Variants in CCDC14 observed in about 807,000 individuals in gnomAD.
CCDC14 encodes coiled-coil domain-containing protein 14.
CCDC14 carries 71 observed loss-of-function variants against 81.4 expected under a neutral mutation model. The ratio of observed to expected loss-of-function variants is 0.87; its 90% CI spans 0.72 to 1.06. CCDC14 has a LOEUF of 1.06. Ranked by LOEUF, CCDC14 falls within the 50% of genes least tolerant of loss-of-function variation. CCDC14 has a pLI of 0.00. For missense variants in CCDC14, 1,046 were observed against 1,047.3 expected, an observed-to-expected ratio of 1.00 and a Z score of 0.02; for synonymous variants, 332 against 364.8, an observed-to-expected ratio of 0.91 and a Z score of 1.03.
chr3:123,944,970 A>G lies in CCDC14; in HGVS notation c.1222T>C (p.Leu408=). The change falls in exon 9 of 13, where the codon TTG becomes CTG. Residue 408 remains leucine (L), a synonymous_variant. Transcript: ENST00000409697. ...AEQEDSEIQR[L]ITEMEACISV... is the part of the protein sequence containing the mutation. ...ATACATGCCTCCATTTCTGTAATCA[A>G]CCTCTGAATTTCTGAATCCTCTATA... is the stretch of plus-strand genomic sequence containing the variant. The G allele has an allele frequency of 1.2e-6, 2 of 1,603,758 alleles. No individual in the cohort carries two copies. Among genetic ancestry groups the G allele is most frequent in the Non-Finnish European group, 1.7e-6 (2 of 1,172,948 alleles).
At chr3:123,900,115 G>A (rs967268405) in intron 5 of CCDC14, among the ~76,000 whole-genome samples, 2 of 152,180 alleles carry the variant, frequency 1.3e-5, no homozygotes, top group East Asian at 3.9e-4. Flanking sequence ...TTGACACAAT[G>A]TGGGTTAATA....
the CCDC14 span, among the ~76,000 whole-genome samples, chr3:123,889,754 G>T: frequency 1.3e-5 from 2 of 152,192 alleles, no homozygotes; most frequent in African/African-American, 4.8e-5. Context: ...CAGTGCCACA[G>T]TGGGGACTCT....
chr3:123,915,057 CCTTT>C lies in CCDC14; in HGVS notation c.2436_2439del (p.Ile812MetfsTer33). On this transcript the variant is annotated frameshift_variant, in exon 13 of 13. Coordinates refer to ENST00000409697, the MANE Select transcript of CCDC14 (RefSeq NM_001366335.1). LOFTEE classifies it high-confidence loss of function. Reference sequence around the variant, plus strand: ...GCAGCAGGGATCTTACCAATTGCTTCCTTTATTTTCTTGAGGAGCTGTGTGTCCT... The same window carrying C: ...GCAGCAGGGATCTTACCAATTGCTTCATTTTCTTGAGGAGCTGTGTGTCCT... The C allele has an allele frequency of 6.2e-7, 1 of 1,613,970 alleles. No homozygotes were observed. The highest frequency in any genetic ancestry group is 1.1e-5 in the South Asian group (1 of 91,072).
intron 5 of CCDC14, among the ~76,000 whole-genome samples, chr3:123,949,858 A>G (rs141926016): frequency 5.5e-4 from 84 of 152,288 alleles, no homozygotes; most frequent in African/African-American, 1.9e-3. Context: ...ACCCTAGAGC[A>G]CATATTGTCT....
chr3:123,933,877 C>A, intron 9 of CCDC14, 122 bp from the exon 10 acceptor site: 1 of 616,210 alleles, frequency 1.6e-6, no homozygotes, highest in Non-Finnish European at 2.8e-6. Context: ...TCCATCTCAT[C>A]CCCAAAAGAC....
intron 1 of CCDC14, chr3:123,958,648 T>G (rs2037484903): frequency 6.6e-6 from 1 of 152,102 alleles, no homozygotes; most frequent in Non-Finnish European, 1.5e-5. Context: ...AAATGTTTCC[T>G]AAAAACAAGG....
At chr3:123,925,114 T>A (rs2035287323) in intron 12 of CCDC14, among the ~76,000 whole-genome samples, 1 of 149,166 alleles carries the variant, frequency 6.7e-6, no homozygotes, top group Non-Finnish European at 1.5e-5. Context: ...ATAAACATAT[T>A]GGAATACTAC....
the CCDC14 span, among the ~76,000 whole-genome samples, chr3:123,886,771 G>A: frequency 1.6e-4 from 24 of 152,202 alleles, no homozygotes; most frequent in African/African-American, 5.8e-4. Context: ...TACTAGGTTG[G>A]TAACTGTTTC....
At chr3:123,911,554 A>G (rs1037686038), downstream of CCDC14, among the ~76,000 whole-genome samples, 1 of 152,162 alleles carries the variant, frequency 6.6e-6, no homozygotes, top group Non-Finnish European at 1.5e-5. Flanking sequence ...AGCCAACGTT[A>G]TCACTCTTTT....
At chr3:123,944,335 G>GA (rs1553719166) in intron 9 of CCDC14, among the ~76,000 whole-genome samples, 7 of 152,084 alleles carry the variant, frequency 4.6e-5, no homozygotes, top group Non-Finnish European at 1.0e-4. Context: ...AAGTGGTAGC[G>GA]AAACGATCAC....
chr3:123,918,608 C>T (rs911197612), intron 12 of CCDC14, among the ~76,000 whole-genome samples: 3 of 152,136 alleles, frequency 2.0e-5, no homozygotes, highest in Admixed American at 1.3e-4. Context: ...AAGTACCACA[C>T]AGAGAGGAGT....
Position 123,913,664 on chromosome 3 carries a change from T to G in CCDC14, c.*1115A>C. 1.0e-6 allele frequency: 1 copy of G among 962,410 alleles called. No individual in the cohort carries two copies. Among genetic ancestry groups the G allele is most frequent in the Non-Finnish European group, 1.2e-6 (1 of 821,398 alleles). 59.6% of individuals were successfully genotyped at this position (962,410 alleles called of 1,614,324 possible). A position where few individuals can be genotyped will look rare whatever the true frequency, so the allele number is the denominator to read the frequency against. ...CTGGCTCCTTCAAACGCTGTAGCAC[T>G]AACACCTAAAAAAAAAAAAAAAACC... On this transcript the variant is annotated 3_prime_UTR_variant, in exon 13 of 13. Coordinates refer to ENST00000409697, the MANE Select transcript of CCDC14 (RefSeq NM_001366335.1).
intron 9 of CCDC14, among the ~76,000 whole-genome samples, chr3:123,940,772 A>C (rs548492604): frequency 1.2e-4 from 18 of 152,002 alleles, no homozygotes; most frequent in African/African-American, 3.9e-4. Flanking sequence ...AAACATGTTC[A>C]GAGAATAATT....
rs1350145260 is a variant in CCDC14 at position 123,944,916 on chromosome 3, T to C, written c.1276A>G (p.Thr426Ala). ...ISVLPTVSGN[T>A]DIQVEIALAM... ...AGTGCTATCTCAACTTGAATATCTG[T>C]GTTTCCACTTACTGTTGGAAGTACA... Residue 426 changes from threonine (T) to alanine (A), a missense_variant, in exon 9 of 13, where the codon ACA becomes GCA. Thr to Ala is a moderately conservative substitution (Grantham distance 58). Transcript: ENST00000409697. The C allele has an allele frequency of 1.2e-6, 2 of 1,612,026 alleles. No individual in the cohort carries two copies. The highest frequency in any genetic ancestry group is 1.7e-6 in the Non-Finnish European group (2 of 1,178,592).
chr3:123,931,909 G>A (rs1266988561), intron 10 of CCDC14, among the ~76,000 whole-genome samples: 1 of 151,928 alleles, frequency 6.6e-6, no homozygotes, highest in Non-Finnish European at 1.5e-5. Context: ...ATTAATTTTG[G>A]TATCTTTCGT....
chr3:123,908,786 T>G (rs1453131197), downstream of CCDC14, among the ~76,000 whole-genome samples: 12 of 152,024 alleles, frequency 7.9e-5, no homozygotes, highest in Non-Finnish European at 4.4e-5. Context: ...AGTGAAACAA[T>G]GATCACAAGC....
At chr3:123,956,311 G>C (rs1016174964) in intron 3 of CCDC14, 44 bp downstream of exon 3, 14 of 1,399,326 alleles carry the variant, frequency 1.0e-5, no homozygotes, top group Admixed American at 2.4e-5. Context: ...GCTACTATTT[G>C]AAAACTAATT....
At chr3:123,903,454 A>T (rs546220450) in intron 5 of CCDC14, among the ~76,000 whole-genome samples, 1 of 152,218 alleles carries the variant, frequency 6.6e-6, no homozygotes, top group Non-Finnish European at 1.5e-5. Context: ...GCAATTTGGC[A>T]AGATCTGTTT....
chr3:123,901,796 T>TTAAAAACTGATAAGATGGTGAC, intron 5 of CCDC14, among the ~76,000 whole-genome samples: 1 of 152,274 alleles, frequency 6.6e-6, no homozygotes, highest in South Asian at 2.1e-4. Context: ...CAAAGCACCC[T>TTAAAAACTGATAAGATGGTGAC]TAAAAACTGA....
Sources: gnomAD v4.1 joint callset for allele counts (sites outside exome capture counted in the v4.1 genomes callset) on GRCh38, gnomAD v4.1.1 for gene constraint, MANE v1.5 for transcripts, NCBI Gene and HGNC (gene_info 2026-07-23, HGNC 2026-07-21) for gene names.